The following FHIP1A variants were observed in gnomAD, a reference collection of about 807,000 sequenced individuals.
The protein encoded by FHIP1A is FHF complex subunit HOOK-interacting protein 1A.
Under a neutral mutation model 88.6 loss-of-function variants are expected in FHIP1A, and 61 were observed. The observed-to-expected ratio is 0.69, with a 90% CI of 0.56 to 0.85. The LOEUF (loss-of-function observed/expected upper bound fraction) is 0.85, where lower values mean the gene tolerates loss of function less well. Among genes scored for constraint, FHIP1A ranks in the 40% least tolerant of loss-of-function variants. The probability of loss-of-function intolerance (pLI) is 0.00; values close to 1 mark genes in which losing one functional copy is unlikely to be tolerated. For missense variants in FHIP1A, 1,154 were observed against 1,273.5 expected (o/e 0.91, Z 1.43); for synonymous variants, 478 against 496.0 (o/e 0.96, Z 0.48).
intron 2 of FHIP1A, among the ~76,000 whole-genome samples, chr4:151,465,871 T>C (rs900823432): frequency 6.6e-6 from 1 of 152,162 alleles, no homozygotes; most frequent in Admixed American, 6.5e-5. Context: ...GTGGAACATA[T>C]CTCAAAATAA....
At chr4:151,467,583 A>G (rs917089842) in intron 2 of FHIP1A, among the ~76,000 whole-genome samples, 2 of 152,206 alleles carry the variant, frequency 1.3e-5, no homozygotes, top group African/African-American at 4.8e-5. Context: ...CCAAACACCT[A>G]TCAGTGATGG....
At chr4:151,529,056 G>A (rs771842316) in intron 3 of FHIP1A, among the ~76,000 whole-genome samples, 2 of 152,026 alleles carry the variant, frequency 1.3e-5, no homozygotes, top group South Asian at 4.1e-4. Flanking sequence ...TCTCCCTCCC[G>A]GTCTTTTCAG....
At chr4:151,619,690 A>G (rs936672600) in intron 7 of FHIP1A, among the ~76,000 whole-genome samples, 4 of 152,234 alleles carry the variant, frequency 2.6e-5, no homozygotes, top group African/African-American at 4.8e-5. Flanking sequence ...CATTCAACAT[A>G]TATATTTTAA....
At chr4:151,435,687 A>G (rs2126548575) in intron 1 of FHIP1A, among the ~76,000 whole-genome samples, 1 of 152,168 alleles carries the variant, frequency 6.6e-6, no homozygotes, top group East Asian at 1.9e-4. Context: ...CGGGAGGCTG[A>G]AGCAGGAGAA....
chr4:151,626,461 A>C (rs1202963501), intron 7 of FHIP1A, among the ~76,000 whole-genome samples: 2 of 152,234 alleles, frequency 1.3e-5, no homozygotes, highest in Non-Finnish European at 2.9e-5. Flanking sequence ...CTGACACATA[A>C]TAGTGCTTAA....
chr4:151,495,305 C>T (rs1306191645), intron 3 of FHIP1A, among the ~76,000 whole-genome samples: 1 of 152,028 alleles, frequency 6.6e-6, no homozygotes, highest in African/African-American at 2.4e-5. Context: ...GAGTTTGAGA[C>T]CAGCCTGGCC....
At chr4:151,501,489 A>T (rs1730646171) in intron 3 of FHIP1A, among the ~76,000 whole-genome samples, 1 of 152,070 alleles carries the variant, frequency 6.6e-6, no homozygotes, top group Admixed American at 6.6e-5. Context: ...TTTTTAAATT[A>T]TGGCCATTGT....
rs182608545 is a variant in FHIP1A, at chr4:151,549,736, C to A, written c.-122-16402C>A. Among the ~76,000 whole-genome samples, 1,261 of 152,236 alleles carry A rather than the reference C, an allele frequency of 8.3e-3. 19 individuals carry two copies. Among genetic ancestry groups the A allele is most frequent in the African/African-American group, 0.029 (1,221 of 41,530 alleles). ...ACTTGCTTACACTTTACTCTATGGACTCACCTTGAATTCTTGCATGAGATC... is the reference window on the plus strand; with the variant it reads ...ACTTGCTTACACTTTACTCTATGGAATCACCTTGAATTCTTGCATGAGATC... On this transcript the variant is annotated intron_variant, in intron 3 of 13. Transcript: ENST00000435205.
chr4:151,590,380 G>T (rs989813234), intron 7 of FHIP1A, among the ~76,000 whole-genome samples: 5 of 152,036 alleles, frequency 3.3e-5, no homozygotes, highest in Non-Finnish European at 7.4e-5. Flanking sequence ...GCACACTTTA[G>T]TGTTACAGAC....
intron 3 of FHIP1A, among the ~76,000 whole-genome samples, chr4:151,517,315 G>A (rs533830571): frequency 2.0e-5 from 3 of 152,108 alleles, no homozygotes; most frequent in African/African-American, 4.8e-5. Flanking sequence ...GTTGGGGGAG[G>A]GGGGAGGCAT....
chr4:151,440,214 A>T (rs1426272535), intron 1 of FHIP1A, among the ~76,000 whole-genome samples: 1 of 152,186 alleles, frequency 6.6e-6, no homozygotes, highest in Non-Finnish European at 1.5e-5. Context: ...AACTGCCCCC[A>T]TGATTCTGTT....
At chr4:151,610,109 G>A (rs1316208030) in intron 7 of FHIP1A, among the ~76,000 whole-genome samples, 1 of 152,142 alleles carries the variant, frequency 6.6e-6, no homozygotes, top group African/African-American at 2.4e-5. Flanking sequence ...CTAGCTCTGT[G>A]CCTTTGGTAG....
rs570695524 is a variant in FHIP1A at position 151,668,983 on chromosome 4, G to A, written c.*6229G>A. 1.2e-3 allele frequency among the ~76,000 whole-genome samples: 181 copies of A among 152,296 alleles called. No individual in the cohort carries two copies. Among genetic ancestry groups the A allele is most frequent in the Non-Finnish European group, 1.4e-3 (96 of 68,028 alleles). ...AGATGGCAATGGCATCACCTGTGGT[G>A]CCAACTCATACATTTTAATGAGATT... On this transcript the variant is annotated 3_prime_UTR_variant, in exon 14 of 14. Coordinates refer to ENST00000435205, the MANE Select transcript of FHIP1A (RefSeq NM_001109977.3).
At chr4:151,604,409 C>T (rs1734990207) in intron 7 of FHIP1A, among the ~76,000 whole-genome samples, 1 of 152,128 alleles carries the variant, frequency 6.6e-6, no homozygotes. Context: ...TCAATTAATT[C>T]ACAGGGGTAC....
chr4:151,549,024 A>T (rs1460883746), intron 3 of FHIP1A, among the ~76,000 whole-genome samples: 2 of 152,056 alleles, frequency 1.3e-5, no homozygotes, highest in African/African-American at 4.8e-5. Context: ...TCATTCCCCT[A>T]TTGGCTGGGG....
chr4:151,568,734 T>C (rs1733485489), intron 4 of FHIP1A, among the ~76,000 whole-genome samples: 1 of 152,154 alleles, frequency 6.6e-6, no homozygotes, highest in South Asian at 2.1e-4. Flanking sequence ...GAAGGGGCTA[T>C]TATGGCTGGA....
At chr4:151,560,365 T>A (rs1328560947) in intron 3 of FHIP1A, among the ~76,000 whole-genome samples, 1 of 152,184 alleles carries the variant, frequency 6.6e-6, no homozygotes, top group East Asian at 1.9e-4. Context: ...CAACATCACT[T>A]GCCAAAGGTA....
chr4:151,475,243 C>A (rs569797946), intron 2 of FHIP1A, among the ~76,000 whole-genome samples: 10 of 152,234 alleles, frequency 6.6e-5, no homozygotes, highest in Admixed American at 3.9e-4. Context: ...ACAGGGAAAG[C>A]AGAGAAAAAT....
intron 1 of FHIP1A, among the ~76,000 whole-genome samples, chr4:151,446,782 A>G (rs544735227): frequency 6.6e-6 from 1 of 152,174 alleles, no homozygotes; most frequent in African/African-American, 2.4e-5. Flanking sequence ...AAGTTGGTGT[A>G]TGACGCTTAA....
Sources: allele counts gnomAD v4.1 joint callset (sites outside exome capture counted in the v4.1 genomes callset), GRCh38; gene constraint gnomAD v4.1.1; transcripts MANE v1.5; gene names NCBI Gene and HGNC (gene_info 2026-07-23, HGNC 2026-07-21).